Variants in UNC5D observed in about 807,000 individuals in gnomAD.
UNC5D encodes unc-5 netrin receptor D.
In UNC5D, 39 loss-of-function variants were observed where a neutral mutation model predicts 105.4. The ratio of observed to expected loss-of-function variants is 0.37; its 90% CI spans 0.29 to 0.48. UNC5D has a LOEUF of 0.48. Among genes scored for constraint, UNC5D ranks in the 20% least tolerant of loss-of-function variants. The probability of loss-of-function intolerance (pLI) is 0.98; values close to 1 mark genes in which losing one functional copy is unlikely to be tolerated. For synonymous variants in UNC5D, 452 were observed against 450.4 expected, an observed-to-expected ratio of 1.00 and a Z score of -0.04; for missense variants, 991 against 1,202.4, an observed-to-expected ratio of 0.82 and a Z score of 2.60.
At chr8:35,400,200 G>C (rs905880112) in intron 1 of UNC5D, among the ~76,000 whole-genome samples, 1 of 151,934 alleles carries the variant, frequency 6.6e-6, no homozygotes, top group Non-Finnish European at 1.5e-5. Flanking sequence ...TGTCTTTGTA[G>C]TGTAAGCCAC....
chr8:35,735,415 A>C (rs1253268706), intron 11 of UNC5D, among the ~76,000 whole-genome samples: 1 of 152,242 alleles, frequency 6.6e-6, no homozygotes, highest in Non-Finnish European at 1.5e-5. Flanking sequence ...AAATGTTGTA[A>C]GTCATCTTAT....
At chr8:35,580,284 A>G (rs2130838340) in intron 3 of UNC5D, among the ~76,000 whole-genome samples, 1 of 152,286 alleles carries the variant, frequency 6.6e-6, no homozygotes, top group Admixed American at 6.5e-5. Context: ...AGAATCAAAA[A>G]TACAGAATTG....
At chr8:35,593,220 G>A (rs552193916) in intron 3 of UNC5D, among the ~76,000 whole-genome samples, 17 of 152,226 alleles carry the variant, frequency 1.1e-4, no homozygotes, top group African/African-American at 4.1e-4. Context: ...CTTAGTTAAT[G>A]TAGTGGTGTG....
At chr8:35,765,433 T>C (rs891053474) in intron 14 of UNC5D, among the ~76,000 whole-genome samples, 16 of 152,196 alleles carry the variant, frequency 1.1e-4, no homozygotes, top group Non-Finnish European at 2.2e-4. Context: ...CACTTTTCTT[T>C]TGGTTCAGGA....
At chr8:35,672,877 A>T (rs2131285496) in intron 4 of UNC5D, among the ~76,000 whole-genome samples, 1 of 152,312 alleles carries the variant, frequency 6.6e-6, no homozygotes, top group Admixed American at 6.5e-5. Context: ...GACTTTCACA[A>T]CTGAAGCGGG....
intron 1 of UNC5D, among the ~76,000 whole-genome samples, chr8:35,508,695 G>A (rs1372731300): frequency 6.6e-6 from 1 of 152,196 alleles, no homozygotes; most frequent in East Asian, 1.9e-4. Flanking sequence ...GGATAGATTG[G>A]CAGGTGGCAC....
chr8:35,504,373 C>T (rs1014036913), intron 1 of UNC5D, among the ~76,000 whole-genome samples: 32 of 152,188 alleles, frequency 2.1e-4, no homozygotes, highest in Admixed American at 1.4e-3. Context: ...CATTGCCTCT[C>T]ATGGGTGCTA....
chr8:35,367,226 C>A (rs1214429459), intron 1 of UNC5D, among the ~76,000 whole-genome samples: 2 of 152,188 alleles, frequency 1.3e-5, no homozygotes, highest in African/African-American at 4.8e-5. Context: ...ATGTTGCTTT[C>A]TACCTACCCA....
chr8:35,335,553 T>C (rs893030077), intron 1 of UNC5D, among the ~76,000 whole-genome samples: 1 of 152,180 alleles, frequency 6.6e-6, no homozygotes, highest in African/African-American at 2.4e-5. Context: ...AAAATTTTAG[T>C]GTTAAAATTT....
intron 1 of UNC5D, among the ~76,000 whole-genome samples, chr8:35,412,080 G>A: frequency 6.6e-6 from 1 of 151,988 alleles, no homozygotes; most frequent in Non-Finnish European, 1.5e-5. Flanking sequence ...AAATCACTCT[G>A]TTACTTTATT....
chr8:35,240,397 A>G (rs1035184752), intron 1 of UNC5D, among the ~76,000 whole-genome samples: 14 of 152,352 alleles, frequency 9.2e-5, no homozygotes, highest in African/African-American at 3.4e-4. Flanking sequence ...ACATGAAATA[A>G]TAGTAATACT....
intron 1 of UNC5D, among the ~76,000 whole-genome samples, chr8:35,497,438 G>A (rs567862020): frequency 3.9e-5 from 6 of 152,276 alleles, no homozygotes; most frequent in South Asian, 2.1e-4. Flanking sequence ...AGCATGTCAC[G>A]AACCCCATCA....
At chr8:35,604,797 T>C (rs1820161150) in intron 4 of UNC5D, among the ~76,000 whole-genome samples, 1 of 152,230 alleles carries the variant, frequency 6.6e-6, no homozygotes, top group Admixed American at 6.5e-5. Context: ...ATTCATTTTG[T>C]CTTCCATCAC....
intron 1 of UNC5D, among the ~76,000 whole-genome samples, chr8:35,321,518 C>T (rs970479097): frequency 4.8e-4 from 73 of 152,236 alleles, no homozygotes; most frequent in African/African-American, 1.7e-3. Context: ...TTGCCTTCCA[C>T]ACCGATTGTA....
chr8:35,322,113 A>G (rs952260633), intron 1 of UNC5D, among the ~76,000 whole-genome samples: 1 of 152,164 alleles, frequency 6.6e-6, no homozygotes, highest in Non-Finnish European at 1.5e-5. Context: ...GAAAAGTGTT[A>G]TGAGTGTTGT....
At chr8:35,236,417 C>G (rs1178766249) in intron 1 of UNC5D, among the ~76,000 whole-genome samples, 1 of 3,168 alleles carries the variant, frequency 3.2e-4, no homozygotes, top group Admixed American at 3.4e-3. Context: ...CTCGGGCGTC[C>G]TTAGCCCGAG....
chr8:35,577,213 G>C (rs1818154676), intron 3 of UNC5D, among the ~76,000 whole-genome samples: 1 of 152,016 alleles, frequency 6.6e-6, no homozygotes, highest in Admixed American at 6.6e-5. Flanking sequence ...TCAATAATTT[G>C]ACAAAATACT....
intron 2 of UNC5D, among the ~76,000 whole-genome samples, chr8:35,558,240 A>G (rs1174611097): frequency 6.6e-6 from 1 of 152,112 alleles, no homozygotes; most frequent in Non-Finnish European, 1.5e-5. Flanking sequence ...TGACAGACAC[A>G]TACAGGGTGC....
chr8:35,623,555 G>A (rs886909996), intron 4 of UNC5D, among the ~76,000 whole-genome samples: 2 of 151,954 alleles, frequency 1.3e-5, no homozygotes, highest in African/African-American at 4.8e-5. Flanking sequence ...TCTCTCCCTC[G>A]GGGCCGCGAG....
Sources: gnomAD v4.1 joint callset for allele counts (sites outside exome capture counted in the v4.1 genomes callset) on GRCh38, gnomAD v4.1.1 for gene constraint, MANE v1.5 for transcripts, NCBI Gene and HGNC (gene_info 2026-07-23, HGNC 2026-07-21) for gene names.